The following MOBP variants were observed in gnomAD, a reference collection of about 807,000 sequenced individuals.
MOBP encodes the protein myelin-associated oligodendrocyte basic protein.
MOBP carries 5 observed loss-of-function variants against 15.0 expected under a neutral mutation model. The observed-to-expected ratio is 0.33, with a 90% CI of 0.17 to 0.70. The LOEUF (loss-of-function observed/expected upper bound fraction) is 0.70. MOBP is among the 30% of genes least tolerant of loss of function. The pLI, the probability that MOBP is intolerant of heterozygous loss-of-function variation, is 0.67. For missense variants in MOBP, 188 were observed against 257.8 expected (o/e 0.73, Z 1.85); for synonymous variants, 88 against 99.0 (o/e 0.89, Z 0.66).
At chr3:39,513,374 G>A in intron 4 of MOBP, 1 of 1,613,552 alleles carries the variant, frequency 6.2e-7, no homozygotes, top group Non-Finnish European at 8.5e-7. Flanking sequence ...TTTTCTCTTT[G>A]TAAACCAGAT....
chr3:39,471,118 TGAAAA>T (rs753216031), intron 1 of MOBP, among the ~76,000 whole-genome samples: 2 of 139,516 alleles, frequency 1.4e-5, no homozygotes, highest in Admixed American at 8.2e-5. Context: ...ATAACACATA[TGAAAA>T]GAAAAGTCTT....
intron 2 of MOBP, among the ~76,000 whole-genome samples, chr3:39,485,555 G>A (rs902177914): frequency 3.3e-5 from 5 of 152,176 alleles, no homozygotes; most frequent in Non-Finnish European, 5.9e-5. Context: ...AACCTGGGCC[G>A]GTAATGGAAT....
At chr3:39,527,559 A>G (rs816518), downstream of MOBP, 47,386 of 151,374 alleles carry the variant, frequency 0.31, 9,750 homozygotes, top group African/African-American at 0.59. Context: ...CCGTGTTCAA[A>G]TGATTCTCCT....
chr3:39,485,591 A>G lies in MOBP; in HGVS notation c.-5+5468A>G, dbSNP rs2042690415. On this transcript the variant is annotated intron_variant, in intron 2 of 3. Coordinates refer to ENST00000684792, the MANE Select transcript of MOBP (RefSeq NM_001393704.1). ...CTTTGGACCCCCAGTTATTATTCCA[A>G]AATAGCTCTTGTAGAAGCACCCGTG... is the stretch of plus-strand genomic sequence containing the variant. Among the ~76,000 whole-genome samples the G allele has an allele frequency of 2.0e-5, 3 of 152,186 alleles. No individual in the cohort carries two copies. In the South Asian group the frequency reaches 6.2e-4, roughly 32 times the overall value.
intron 2 of MOBP, among the ~76,000 whole-genome samples, chr3:39,496,705 C>T (rs1355040284): frequency 6.6e-6 from 1 of 151,452 alleles, no homozygotes; most frequent in East Asian, 2.0e-4. Flanking sequence ...CTCTTGTTGC[C>T]CAGGCTGGAT....
chr3:39,522,822 CTCAA>C (rs2043286094), intron 3 of MOBP, among the ~76,000 whole-genome samples: 1 of 152,186 alleles, frequency 6.6e-6, no homozygotes, highest in Non-Finnish European at 1.5e-5. Flanking sequence ...TGCCCTCCAG[CTCAA>C]TCAGTTATTC....
chr3:39,517,898 C>T (rs2043222571), downstream of MOBP: 1 of 152,176 alleles, frequency 6.6e-6, no homozygotes, highest in Admixed American at 6.5e-5. Context: ...AAATCAATTT[C>T]TGTTGCATAA....
intron 3 of MOBP, among the ~76,000 whole-genome samples, chr3:39,523,978 T>C (rs1254355981): frequency 2.0e-5 from 3 of 152,194 alleles, no homozygotes; most frequent in Non-Finnish European, 4.4e-5. Flanking sequence ...TGCAGCATCC[T>C]GATGGCTAAG....
At chr3:39,489,689 C>CCCA (rs749893415) in intron 2 of MOBP, among the ~76,000 whole-genome samples, 3 of 151,408 alleles carry the variant, frequency 2.0e-5, no homozygotes, top group African/African-American at 4.9e-5. Context: ...GTATTGTTCC[C>CCCA]CGCCCAGCTC....
chr3:39,492,671 A>G (rs1314676303), intron 2 of MOBP, among the ~76,000 whole-genome samples: 1 of 152,204 alleles, frequency 6.6e-6, no homozygotes, highest in African/African-American at 2.4e-5. Flanking sequence ...TCTTAAGTAT[A>G]TATTAAACAT....
chr3:39,473,341 C>T (rs1229061537), intron 1 of MOBP, among the ~76,000 whole-genome samples: 2 of 152,176 alleles, frequency 1.3e-5, no homozygotes, highest in Non-Finnish European at 2.9e-5. Context: ...GGAAGGGCCA[C>T]CTGGCCACAT....
chr3:39,515,108 G>GC, exon 5 of MOBP: 1 of 152,302 alleles, frequency 6.6e-6, no homozygotes, highest in Non-Finnish European at 1.5e-5. Context: ...TCCCTGAGGA[G>GC]CCTGACCACT....
chr3:39,474,644 C>T (rs2042519267), intron 1 of MOBP, among the ~76,000 whole-genome samples: 1 of 152,144 alleles, frequency 6.6e-6, no homozygotes, highest in South Asian at 2.1e-4. Flanking sequence ...AGCCATTTTT[C>T]CCTAATTGCT....
At position 39,502,201 on chromosome 3, in the gene MOBP, C is replaced by T; in HGVS notation, c.132C>T (p.Tyr44=). The part of the protein sequence containing the change: ...NSKKEIVDRK[Y]SICKSGCFYQ... ...AGAAGGAGATAGTGGATCGGAAATA[C>T]AGCATCTGTAAGAGCGGCTGCTTCT... Residue 44 remains tyrosine, a synonymous_variant, in exon 3 of 4, where the codon TAC becomes TAT. Coordinates refer to ENST00000684792, the MANE Select transcript of MOBP (RefSeq NM_001393704.1). The surrounding 1 kb of genome is among the most constrained non-coding windows in gnomAD (Gnocchi z 6.3). The T allele has an allele frequency of 6.2e-7, 1 of 1,614,228 alleles. No homozygotes were observed. The highest frequency in any genetic ancestry group is 1.3e-5 in the African/African-American group (1 of 75,064).
chr3:39,484,098 G>A (rs1426182456), intron 2 of MOBP, among the ~76,000 whole-genome samples: 1 of 152,176 alleles, frequency 6.6e-6, no homozygotes, highest in Admixed American at 6.5e-5. Context: ...ACAAATAGAA[G>A]TATGTACAAG....
intron 1 of MOBP, among the ~76,000 whole-genome samples, chr3:39,475,465 G>A (rs1394162714): frequency 6.6e-6 from 1 of 152,066 alleles, no homozygotes; most frequent in African/African-American, 2.4e-5. Context: ...GCATCCATTA[G>A]TCAATGATGC....
intron 1 of MOBP, among the ~76,000 whole-genome samples, chr3:39,468,306 C>A (rs2042372643): frequency 6.6e-6 from 1 of 152,024 alleles, no homozygotes; most frequent in Non-Finnish European, 1.5e-5. Context: ...ATCTTAGAAA[C>A]AACAGGGAGT....
intron 2 of MOBP, among the ~76,000 whole-genome samples, chr3:39,481,185 T>G (rs1345984040): frequency 6.6e-6 from 1 of 152,078 alleles, no homozygotes; most frequent in African/African-American, 2.4e-5. Context: ...AAAAACAGAG[T>G]GGAGCAGATT....
At chr3:39,495,127 T>C (rs965799612) in intron 2 of MOBP, among the ~76,000 whole-genome samples, 3 of 152,130 alleles carry the variant, frequency 2.0e-5, no homozygotes, top group African/African-American at 7.2e-5. Context: ...CAATCCCAAA[T>C]TGTTTCCAGA....
Sources: allele counts gnomAD v4.1 joint callset (sites outside exome capture counted in the v4.1 genomes callset), GRCh38; gene constraint gnomAD v4.1.1; non-coding constraint Gnocchi (gnomAD v3.1); transcripts MANE v1.5; gene names NCBI Gene and HGNC (gene_info 2026-07-23, HGNC 2026-07-21).